The following CHD7 variants were observed in gnomAD, a reference collection of about 807,000 sequenced individuals.
CHD7 encodes the protein chromodomain helicase DNA binding protein 7.
In CHD7, 24 loss-of-function variants were observed where a neutral mutation model predicts 307.3. That is an observed-to-expected ratio of 0.08 (90% confidence interval 0.06 to 0.11). The LOEUF (loss-of-function observed/expected upper bound fraction) is 0.11. CHD7 is among the 10% of genes least tolerant of loss of function. The pLI, the probability that CHD7 is intolerant of heterozygous loss-of-function variation, is 1.00. For synonymous variants in CHD7, 1,363 were observed against 1,349.9 expected (o/e 1.01, Z -0.21); for missense variants, 3,106 against 3,727.1 (o/e 0.83, Z 4.34).
intron 3 of CHD7, among the ~76,000 whole-genome samples, chr8:60,782,740 T>C (rs903734617): frequency 9.9e-5 from 15 of 152,226 alleles, no homozygotes; most frequent in African/African-American, 3.4e-4. Flanking sequence ...TAAAATCTGT[T>C]TTTATTTAAG....
chr8:60,743,139 T>A (rs1226004738), intron 2 of CHD7, 42 bp downstream of exon 2: 1 of 1,529,514 alleles, frequency 6.5e-7, no homozygotes, highest in Non-Finnish European at 9.0e-7. Context: ...CAGTGTGAAA[T>A]TCAACATGGC....
At chr8:60,708,831 T>C (rs1807143338) in intron 1 of CHD7, among the ~76,000 whole-genome samples, 1 of 152,218 alleles carries the variant, frequency 6.6e-6, no homozygotes, top group African/African-American at 2.4e-5. Flanking sequence ...CTTCCTTACC[T>C]TATATTGTCC....
chr8:60,810,572 C>T (rs1812753104), intron 7 of CHD7, among the ~76,000 whole-genome samples: 1 of 152,084 alleles, frequency 6.6e-6, no homozygotes, highest in Non-Finnish European at 1.5e-5. Flanking sequence ...TAGTAATTCC[C>T]TTCTTCAACC....
intron 3 of CHD7, among the ~76,000 whole-genome samples, chr8:60,791,113 G>C (rs1811752793): frequency 6.6e-6 from 1 of 152,182 alleles, no homozygotes; most frequent in African/African-American, 2.4e-5. Context: ...GCCCCAGTCA[G>C]ATTTGCCTTC....
At chr8:60,813,886 A>G (rs1171419511) in intron 7 of CHD7, among the ~76,000 whole-genome samples, 1 of 151,730 alleles carries the variant, frequency 6.6e-6, no homozygotes, top group African/African-American at 2.4e-5. Flanking sequence ...TGGGTAAGGG[A>G]TATGCTCTTT....
intron 34 of CHD7, among the ~76,000 whole-genome samples, 170 bp from the exon 35 acceptor site, chr8:60,860,734 C>G (rs1459864298): frequency 2.6e-5 from 4 of 152,244 alleles, no homozygotes; most frequent in Non-Finnish European, 4.4e-5. Flanking sequence ...CGCGCCCAGC[C>G]TCATTTTCTG....
At chr8:60,709,864 C>T (rs1807197747) in intron 1 of CHD7, among the ~76,000 whole-genome samples, 1 of 152,056 alleles carries the variant, frequency 6.6e-6, no homozygotes, top group Admixed American at 6.5e-5. Flanking sequence ...TAGCTATTCT[C>T]CTACAGAGTT....
At chr8:60,719,105 CTCA>C (rs1807765867) in intron 1 of CHD7, among the ~76,000 whole-genome samples, 4 of 152,192 alleles carry the variant, frequency 2.6e-5, no homozygotes, top group African/African-American at 9.7e-5. Flanking sequence ...AGACTGTGTC[CTCA>C]TCATTAGGTG....
At chr8:60,754,003 A>G (rs932184827) in intron 2 of CHD7, among the ~76,000 whole-genome samples, 5 of 152,190 alleles carry the variant, frequency 3.3e-5, no homozygotes, top group Admixed American at 1.3e-4. Context: ...TTCATACTGA[A>G]TATAAATTTA....
intron 6 of CHD7, 124 bp downstream of exon 6, chr8:60,801,717 C>A (rs1172258176): frequency 1.5e-6 from 1 of 660,060 alleles, no homozygotes; most frequent in Non-Finnish European, 2.6e-6. Flanking sequence ...TATTTCTAAT[C>A]CTGTCTAATT....
chr8:60,713,428 T>C (rs1216165441), intron 1 of CHD7, among the ~76,000 whole-genome samples: 1 of 152,154 alleles, frequency 6.6e-6, no homozygotes, highest in Admixed American at 6.5e-5. Flanking sequence ...TTTTTTTTAA[T>C]TGAAAGGCAG....
At chr8:60,723,651 C>T (rs780555162) in intron 1 of CHD7, among the ~76,000 whole-genome samples, 3 of 152,136 alleles carry the variant, frequency 2.0e-5, no homozygotes, top group Non-Finnish European at 4.4e-5. Context: ...ACATAGTGAC[C>T]TTGGAGACAG....
chr8:60,828,622 T>C (rs1036117919), intron 13 of CHD7, 41 bp from the exon 14 acceptor site: 15 of 1,561,178 alleles, frequency 9.6e-6, no homozygotes, highest in Non-Finnish European at 1.3e-5. Flanking sequence ...GAAAGTGTTT[T>C]TGTTACAATT....
chr8:60,845,212 G>A (rs370937973), intron 22 of CHD7, 38 bp from the exon 23 acceptor site: 3 of 1,590,002 alleles, frequency 1.9e-6, no homozygotes, highest in Non-Finnish European at 2.6e-6. Flanking sequence ...TAATTGGAAT[G>A]TAAAAGGCTT....
intron 3 of CHD7, among the ~76,000 whole-genome samples, chr8:60,782,243 C>T (rs1026210034): frequency 4.6e-5 from 7 of 152,238 alleles, no homozygotes; most frequent in Non-Finnish European, 8.8e-5. Flanking sequence ...TAATCCGAAT[C>T]TGTTTGCAAA....
chr8:60,733,817 A>G (rs895233154), intron 1 of CHD7, among the ~76,000 whole-genome samples: 2 of 152,156 alleles, frequency 1.3e-5, no homozygotes, highest in African/African-American at 2.4e-5. Context: ...GAATATCCAG[A>G]GTCTTCAAAG....
chr8:60,738,839 A>G (rs730084), intron 1 of CHD7, among the ~76,000 whole-genome samples: 4,735 of 152,158 alleles, frequency 0.031, 162 homozygotes, highest in African/African-American at 0.079. Flanking sequence ...AGTTGATACC[A>G]TATAATGCTG....
In CHD7 at chr8:60,854,481, G is replaced by C. The variant is rs774683470; in HGVS notation, c.6894G>C (p.Gln2298His). The C allele has an allele frequency of 9.3e-6, 15 of 1,607,520 alleles. No homozygotes were observed. The highest frequency in any genetic ancestry group is 2.2e-5 in the South Asian group (2 of 90,140). ...YMEDGDPSVA[Q>H]LLHERTFAFS... Reference sequence around the variant, plus strand: ...AGGACGGAGATCCTTCAGTAGCTCAGCTCCTTCATGAAAGAACATTTGCCT... The same window carrying C: ...AGGACGGAGATCCTTCAGTAGCTCACCTCCTTCATGAAAGAACATTTGCCT... Residue 2298 changes from glutamine (Q) to histidine (H), a missense_variant, in exon 32 of 38, where the codon CAG becomes CAC. This residue lies in a region of CHD7 where 1,030 missense variants were observed against 1,165.4 expected (regional missense o/e 0.88). Coordinates refer to ENST00000423902, the MANE Select transcript of CHD7 (RefSeq NM_017780.4).
rs189969488 is a variant in CHD7 at position 60,784,922 on chromosome 8, T to C, written c.2096+3492T>C. The stretch of plus-strand genomic sequence containing the variant: ...TCCCTTTCCCGTTTTATGTTAAATA[T>C]ATATTTTTTGTATCGATTTTTCTAG... On this transcript the variant is annotated intron_variant, in intron 3 of 37. Coordinates refer to ENST00000423902, the MANE Select transcript of CHD7 (RefSeq NM_017780.4). 8.7e-4 allele frequency among the ~76,000 whole-genome samples: 133 copies of C among 152,290 alleles called. 3 individuals carry two copies. The highest frequency in any genetic ancestry group is 1.0e-3 in the South Asian group (5 of 4,826).
Sources: allele counts gnomAD v4.1 joint callset (sites outside exome capture counted in the v4.1 genomes callset), GRCh38; gene constraint gnomAD v4.1.1; regional missense constraint gnomAD v4.1.1; transcripts MANE v1.5; gene names NCBI Gene and HGNC (gene_info 2026-07-23, HGNC 2026-07-21).